The following SCYL3 variants were observed in gnomAD, a reference collection of about 807,000 sequenced individuals.
SCYL3 encodes the protein SCY1 like pseudokinase 3.
Under a neutral mutation model 73.8 loss-of-function variants are expected in SCYL3, and 35 were observed. The ratio of observed to expected loss-of-function variants is 0.47; its 90% CI spans 0.36 to 0.63. The LOEUF (loss-of-function observed/expected upper bound fraction) is 0.63. Among genes scored for constraint, SCYL3 ranks in the 20% least tolerant of loss-of-function variants. The pLI is 0.00. For missense variants in SCYL3, 712 were observed against 798.9 expected (o/e 0.89, Z 1.31); for synonymous variants, 277 against 295.2 (o/e 0.94, Z 0.63).
In SCYL3 at chr1:169,859,229, T is replaced by C. The variant is rs201377330; in HGVS notation, c.1141-17A>G. The stretch of plus-strand genomic sequence containing the variant: ...CAGCAAAACCTAGGAGCAAATGAGG[T>C]AATAAGGGTTGACAACCACAATACC... On this transcript the variant is annotated splice_polypyrimidine_tract_variant and intron_variant, in intron 10 of 12. Coordinates refer to ENST00000367771, the MANE Select transcript of SCYL3 (RefSeq NM_020423.7). 6.3e-7 allele frequency: 1 copy of C among 1,599,432 alleles called. No individual in the cohort carries two copies.
rs1170655652 is a variant in SCYL3, at chr1:169,851,199, T to C, written c.*2514A>G. ...TTAGTGTGAGGAAATAATAGTTAAT[T>C]GAAATACTAGTGGAACTGTTAAACC... On this transcript the variant is annotated 3_prime_UTR_variant, in exon 13 of 13. Transcript: ENST00000367771. 2 of 152,962 alleles carry C rather than the reference T, an allele frequency of 1.3e-5. No homozygotes were observed. The highest frequency in any genetic ancestry group is 2.9e-5 in the Non-Finnish European group (2 of 67,946). 9.5% of individuals were successfully genotyped at this position (152,962 alleles called of 1,614,324 possible).
At chr1:169,868,844 C>T in intron 7 of SCYL3, 84 bp downstream of exon 7, 1 of 874,718 alleles carries the variant, frequency 1.1e-6, no homozygotes, top group South Asian at 1.5e-5. Flanking sequence ...CCTCCAAAAA[C>T]CCCCCACTGC....
chr1:169,853,861 T>C lies in SCYL3; in HGVS notation c.2008-89A>G, dbSNP rs141104422. 385 of 1,462,402 alleles carry C rather than the reference T, an allele frequency of 2.6e-4. 1 individual carries two copies. The African/African-American group carries it at 4.8e-3, about 18-fold the overall frequency. 90.6% of individuals were successfully genotyped at this position (1,462,402 alleles called of 1,614,324 possible). On this transcript the variant is annotated intron_variant, in intron 12 of 12. Transcript: ENST00000367771. ...AATTTGAAAAAGCAGGAATTTAAAA[T>C]TTATCTTTTGATGCCAGAAACACTA...
Position 169,854,529 on chromosome 1 carries a change from G to A in SCYL3, c.1748C>T (p.Pro583Leu), listed in dbSNP as rs6702407. 804 of 1,613,754 alleles carry A rather than the reference G, an allele frequency of 5.0e-4. 1 individual carries two copies. Among genetic ancestry groups the A allele is most frequent in the Non-Finnish European group, 6.3e-4 (740 of 1,179,966 alleles). ...QRGDDADQIE[P>L]PKVSSQERPL... ...CCTTTCTTGTGATGACACTTTTGGC[G>A]GCTCGATTTGGTCTGCGTCATCCCC... The change falls in exon 12 of 13, where the codon CCG becomes CTG. Residue 583 changes from proline to leucine, a missense_variant. Transcript: ENST00000367771.
Position 169,854,495 on chromosome 1 carries a change from C to G in SCYL3, c.1782G>C (p.Lys594Asn), listed in dbSNP as rs765072871. 1.1e-5 allele frequency: 17 copies of G among 1,613,878 alleles called. No individual in the cohort carries two copies. Among genetic ancestry groups the G allele is most frequent in the Middle Eastern group, 1.6e-4 (1 of 6,084 alleles). ...CTCCTAAACCAAGTTCTGATGGAACCTTAAGGGGCCTTTCTTGTGATGACA... is the reference window on the plus strand; with the variant it reads ...CTCCTAAACCAAGTTCTGATGGAACGTTAAGGGGCCTTTCTTGTGATGACA... The part of the protein sequence containing the change: ...PKVSSQERPL[K>N]VPSELGLGEE... The change falls in exon 12 of 13, where the codon AAG (lysine) becomes AAC (asparagine). Residue 594 changes from lysine (K) to asparagine (N), a missense_variant. Physicochemically the swap from Lys to Asn is moderately conservative, Grantham distance 94 (BLOSUM62 0). Coordinates refer to ENST00000367771, the MANE Select transcript of SCYL3 (RefSeq NM_020423.7).
At position 169,862,757 on chromosome 1, in the gene SCYL3, G is replaced by A. The variant is rs751788253; in HGVS notation, c.996C>T (p.Ala332=). The change falls in exon 10 of 13, where the codon GCC becomes GCT. Residue 332 remains alanine (A), a synonymous_variant. Transcript: ENST00000367771. ...QGETPCLLSP[A]LFQSRVIPVL... is the part of the protein sequence containing the mutation. ...CGGGGATCACCCGTGACTGGAACAG[G>A]GCTGGTGAGAGCAAGCAAGGAGTTT... The A allele has an allele frequency of 6.2e-7, 1 of 1,614,162 alleles. No homozygotes were observed. Among genetic ancestry groups the A allele is most frequent in the Non-Finnish European group, 8.5e-7 (1 of 1,180,026 alleles).
chr1:169,893,096 T>TC (rs2102225413), intron 1 of SCYL3, among the ~76,000 whole-genome samples: 1 of 152,292 alleles, frequency 6.6e-6, no homozygotes, highest in South Asian at 2.1e-4. Flanking sequence ...AATTGTGATT[T>TC]CAGCTCAAGA....
In SCYL3 at chr1:169,866,930, A is replaced by G. The variant is rs1419599128; in HGVS notation, c.781T>C (p.Leu261=). Residue 261 remains leucine, a synonymous_variant, in exon 8 of 13, where the codon TTG becomes CTG. Transcript: ENST00000367771. ...EVVNFLKSLT[L]KSEEEKTEFF... is the part of the protein sequence containing the mutation. ...TCCGTTTTCTCCTCTTCACTCTTCA[A>G]TGTTAAACTTTTCAAGAAATTCACA... 1.2e-5 allele frequency: 19 copies of G among 1,586,660 alleles called. No homozygotes were observed. The highest frequency in any genetic ancestry group is 1.5e-5 in the Non-Finnish European group (18 of 1,164,642).
chr1:169,851,825 T>G lies in SCYL3; in HGVS notation c.*1888A>C. The G allele has an allele frequency of 1.2e-6, 2 of 1,613,894 alleles. No homozygotes were observed. The highest frequency in any genetic ancestry group is 1.7e-6 in the Non-Finnish European group (2 of 1,179,900). ...TTCATGGTCCCTGGCAGACTGGGTTTGTAGATGAAACTGAAGCTGCCAAAG... is the reference window on the plus strand; with the variant it reads ...TTCATGGTCCCTGGCAGACTGGGTTGGTAGATGAAACTGAAGCTGCCAAAG... On this transcript the variant is annotated 3_prime_UTR_variant, in exon 13 of 13. Transcript: ENST00000367771.
intron 2 of SCYL3, among the ~76,000 whole-genome samples, chr1:169,883,478 T>C (rs1003862289): frequency 1.3e-5 from 2 of 152,146 alleles, no homozygotes; most frequent in Admixed American, 6.5e-5. Flanking sequence ...TCCAATCAGA[T>C]TGGGAGGAGA....
At chr1:169,894,121 C>G (rs1017993534), upstream of SCYL3, 3 of 152,274 alleles carry the variant, frequency 2.0e-5, no homozygotes, top group Admixed American at 6.5e-5. Flanking sequence ...AGTTAGTCCA[C>G]GAAGATGCCC....
In SCYL3 at chr1:169,852,768, ATTAC is replaced by A. The variant is rs768784657; in HGVS notation, c.*941_*944del. 3.6e-5 allele frequency: 58 copies of A among 1,610,748 alleles called. No individual in the cohort carries two copies. The highest frequency in any genetic ancestry group is 3.0e-4 in the Admixed American group (18 of 59,718). On this transcript the variant is annotated 3_prime_UTR_variant, in exon 13 of 13. Coordinates refer to ENST00000367771, the MANE Select transcript of SCYL3 (RefSeq NM_020423.7). ...TTATATTTAGAATGGATATTGTGAT[ATTAC>A]TTATGTTTTTTTTCCAGCCTTATGC... is the stretch of plus-strand genomic sequence containing the variant.
At chr1:169,881,157 G>A (rs1326723874) in intron 2 of SCYL3, among the ~76,000 whole-genome samples, 1 of 152,178 alleles carries the variant, frequency 6.6e-6, no homozygotes, top group East Asian at 1.9e-4. Context: ...GTGAATGAAT[G>A]TACAATTAAT....
chr1:169,856,391 T>A lies in SCYL3; in HGVS notation c.1313-1427A>T, dbSNP rs560799841. On this transcript the variant is annotated intron_variant, in intron 11 of 12. Coordinates refer to ENST00000367771, the MANE Select transcript of SCYL3 (RefSeq NM_020423.7). ...TTAAAAGTAGTTAAAATAATAAATT[T>A]AAGCTGTGGACATTTAACCCCCAAC... Among the ~76,000 whole-genome samples the A allele has an allele frequency of 2.6e-5, 4 of 152,346 alleles. No homozygotes were observed. In the South Asian group the frequency reaches 8.3e-4, roughly 32 times the overall value.
intron 2 of SCYL3, among the ~76,000 whole-genome samples, chr1:169,884,652 A>G (rs1255080078): frequency 6.6e-6 from 1 of 152,100 alleles, no homozygotes; most frequent in Non-Finnish European, 1.5e-5. Flanking sequence ...CCTCCCTCAT[A>G]TTTTCATTTA....
chr1:169,871,638 G>A (rs1196612309), intron 5 of SCYL3, among the ~76,000 whole-genome samples: 3 of 152,186 alleles, frequency 2.0e-5, no homozygotes, highest in Non-Finnish European at 2.9e-5. Context: ...AAGAAGACAG[G>A]AAAATGTGGG....
intron 11 of SCYL3, among the ~76,000 whole-genome samples, chr1:169,857,443 C>T (rs1659270908): frequency 6.6e-6 from 1 of 152,194 alleles, no homozygotes. Flanking sequence ...TTTTGATCCA[C>T]AGTTGGTTAA....
Position 169,862,625 on chromosome 1 carries a change from G to T in SCYL3, c.1128C>A (p.Val376=). 1 of 1,614,120 alleles carries T rather than the reference G, an allele frequency of 6.2e-7. No homozygotes were observed. Among genetic ancestry groups the T allele is most frequent in the South Asian group, 1.1e-5 (1 of 91,066 alleles). The change falls in exon 10 of 13, where the codon GTC becomes GTA. Residue 376 remains valine (V), a synonymous_variant. Transcript: ENST00000367771. ...EHFTQEQLKK[V]ILPQVLLGLR... is the part of the protein sequence containing the mutation. ...CTTGGCCTCTGACCTGTGGCAAGAT[G>T]ACTTTCTTCAGCTGCTCCTGAGTGA...
At chr1:169,856,867 C>T (rs1468272021) in intron 11 of SCYL3, among the ~76,000 whole-genome samples, 1 of 152,154 alleles carries the variant, frequency 6.6e-6, no homozygotes, top group Non-Finnish European at 1.5e-5. Flanking sequence ...TTCAGGAAGC[C>T]AATGTTGCTT....
Sources: gnomAD v4.1 joint callset for allele counts (sites outside exome capture counted in the v4.1 genomes callset) on GRCh38, gnomAD v4.1.1 for gene constraint, MANE v1.5 for transcripts, NCBI Gene and HGNC (gene_info 2026-07-23, HGNC 2026-07-21) for gene names.